Variants in PPTC7 observed in about 807,000 individuals in gnomAD.
The protein encoded by PPTC7 is protein phosphatase PTC7 homolog.
A neutral mutation model predicts 30.8 loss-of-function variants in PPTC7; 6 were observed. The ratio of observed to expected loss-of-function variants is 0.19; its 90% CI spans 0.11 to 0.38. PPTC7 has a LOEUF of 0.38. Among genes scored for constraint, PPTC7 ranks in the 10% least tolerant of loss-of-function variants. The pLI is 1.00. For missense variants in PPTC7, 218 were observed against 404.8 expected (o/e 0.54, Z 3.96); for synonymous variants, 163 against 168.1 (o/e 0.97, Z 0.23).
rs138087075 is a variant in PPTC7 at position 110,547,267 on chromosome 12, G to A, written c.404-1189C>T. Among the ~76,000 whole-genome samples, 226 of 152,290 alleles carry A rather than the reference G, an allele frequency of 1.5e-3. 2 individuals carry two copies. Among genetic ancestry groups the A allele is most frequent in the African/African-American group, 4.8e-3 (201 of 41,562 alleles). ...CCATCACGTAATACTCAGGAGTACA[G>A]GCTCTGGAGTCAGCCTGCTTCCTGC... On this transcript the variant is annotated intron_variant, in intron 2 of 5. Coordinates refer to ENST00000354300, the MANE Select transcript of PPTC7 (RefSeq NM_139283.2).
intron 2 of PPTC7, among the ~76,000 whole-genome samples, chr12:110,550,387 C>T (rs2064341477): frequency 6.6e-6 from 1 of 152,012 alleles, no homozygotes. Context: ...CCCACCACCA[C>T]ACCCGGCTAA....
chr12:110,537,247 G>A, intron 5 of PPTC7, 152 bp from the exon 6 acceptor site: 9 of 473,794 alleles, frequency 1.9e-5, no homozygotes, highest in South Asian at 8.5e-5. Flanking sequence ...AAAAATATTT[G>A]ATTAAAAAAA....
chr12:110,541,854 T>C (rs745666377), intron 3 of PPTC7, among the ~76,000 whole-genome samples: 7 of 151,492 alleles, frequency 4.6e-5, no homozygotes, highest in Non-Finnish European at 8.8e-5. Context: ...AAGAAATATC[T>C]TGATATCTTG....
At chr12:110,578,347 A>G (rs771217343) in intron 1 of PPTC7, among the ~76,000 whole-genome samples, 1 of 152,182 alleles carries the variant, frequency 6.6e-6, no homozygotes, top group African/African-American at 2.4e-5. Flanking sequence ...AAGGAACAAG[A>G]AAAGTGTACA....
In PPTC7 at chr12:110,546,229, G is replaced by A. The variant is rs1246929303; in HGVS notation, c.404-151C>T. ...CTTAGTTATGCTCCACATCCTCTAC[G>A]AATATCAATAAAATCCTGATCAGGG... On this transcript the variant is annotated intron_variant, in intron 2 of 5. Transcript: ENST00000354300. The A allele has an allele frequency of 4.6e-5, 29 of 630,058 alleles. No homozygotes were observed. The East Asian group carries it at 6.3e-4, about 14-fold the overall frequency. 39.0% of individuals were successfully genotyped at this position (630,058 alleles called of 1,614,324 possible).
At chr12:110,546,300 T>C in intron 2 of PPTC7, 3 of 546,014 alleles carry the variant, frequency 5.5e-6, no homozygotes, top group East Asian at 3.1e-5. Context: ...TACATAGTAA[T>C]TGGGCCACAG....
rs961258136 is a variant in PPTC7, at chr12:110,536,630, G to A, written c.*407C>T. 1 of 165,196 alleles carries A rather than the reference G, an allele frequency of 6.1e-6. No individual in the cohort carries two copies. The highest frequency in any genetic ancestry group is 2.4e-5 in the African/African-American group (1 of 41,978). The allele number at this position is 165,196 out of a possible 1,614,324, so 10.2% of individuals were successfully genotyped here. Reference sequence around the variant, plus strand: ...TGAATAATGTATGTTTCTAGTAGATGTATCATTACGTACAATTTGTGTTAG... The same window carrying A: ...TGAATAATGTATGTTTCTAGTAGATATATCATTACGTACAATTTGTGTTAG... On this transcript the variant is annotated 3_prime_UTR_variant, in exon 6 of 6. Transcript: ENST00000354300.
At chr12:110,581,758 A>G (rs2135802008) in intron 1 of PPTC7, among the ~76,000 whole-genome samples, 1 of 152,362 alleles carries the variant, frequency 6.6e-6, no homozygotes, top group Non-Finnish European at 1.5e-5. Flanking sequence ...AAGTTACAGA[A>G]TCATTTGTTC....
chr12:110,578,483 G>A (rs567651091), intron 1 of PPTC7, among the ~76,000 whole-genome samples: 8 of 152,232 alleles, frequency 5.3e-5, no homozygotes, highest in South Asian at 2.1e-4. Context: ...CAGTTTTTCC[G>A]AAACGAAATA....
intron 1 of PPTC7, among the ~76,000 whole-genome samples, chr12:110,568,532 G>A (rs866038585): frequency 5.3e-5 from 8 of 152,268 alleles, no homozygotes; most frequent in African/African-American, 1.7e-4. Flanking sequence ...GATTACAGGC[G>A]TGAGCCACCA....
intron 2 of PPTC7, among the ~76,000 whole-genome samples, chr12:110,547,283 T>A (rs1250639726): frequency 6.6e-6 from 1 of 152,188 alleles, no homozygotes; most frequent in Non-Finnish European, 1.5e-5. Flanking sequence ...GGAGTCAGCC[T>A]GCTTCCTGCC....
chr12:110,547,339 C>A (rs2064315654), intron 2 of PPTC7, among the ~76,000 whole-genome samples: 1 of 152,188 alleles, frequency 6.6e-6, no homozygotes, highest in African/African-American at 2.4e-5. Context: ...TGTGATGGGG[C>A]AAACTACTTA....
At chr12:110,572,759 G>A (rs1424280764) in intron 1 of PPTC7, among the ~76,000 whole-genome samples, 1 of 152,160 alleles carries the variant, frequency 6.6e-6, no homozygotes, top group Non-Finnish European at 1.5e-5. Context: ...AAATTCTTAA[G>A]TGAGACAGAC....
At chr12:110,571,161 A>G (rs2135791187) in intron 1 of PPTC7, among the ~76,000 whole-genome samples, 2 of 152,268 alleles carry the variant, frequency 1.3e-5, no homozygotes, top group South Asian at 4.1e-4. Flanking sequence ...GGGCAAACTA[A>G]AAGTAAAATT....
intron 1 of PPTC7, among the ~76,000 whole-genome samples, chr12:110,572,541 G>C (rs954989806): frequency 6.6e-6 from 1 of 152,192 alleles, no homozygotes; most frequent in Admixed American, 6.5e-5. Context: ...ATGAATACGA[G>C]AACAGTGCAA....
chr12:110,577,353 A>G (rs963161961), intron 1 of PPTC7, among the ~76,000 whole-genome samples: 1 of 152,052 alleles, frequency 6.6e-6, no homozygotes, highest in East Asian at 1.9e-4. Context: ...GTGTCCTGAC[A>G]TGGCTTGAAA....
chr12:110,569,589 G>A (rs1363678614), intron 1 of PPTC7, among the ~76,000 whole-genome samples: 4 of 151,758 alleles, frequency 2.6e-5, no homozygotes, highest in African/African-American at 9.7e-5. Flanking sequence ...TCACACTGCA[G>A]GAAAAAAAGA....
At chr12:110,551,558 G>T (rs1184871454) in intron 2 of PPTC7, among the ~76,000 whole-genome samples, 1 of 152,116 alleles carries the variant, frequency 6.6e-6, no homozygotes, top group African/African-American at 2.4e-5. Context: ...TGTTGGTCAG[G>T]CTGGTCTCGA....
chr12:110,546,146 A>C (rs2064304248), intron 2 of PPTC7, 68 bp from the exon 3 acceptor site: 2 of 1,274,010 alleles, frequency 1.6e-6, no homozygotes, highest in Admixed American at 3.9e-5. Flanking sequence ...ATTTTAACAC[A>C]TGACCCCACA....
Sources: allele counts gnomAD v4.1 joint callset (sites outside exome capture counted in the v4.1 genomes callset), GRCh38; gene constraint gnomAD v4.1.1; transcripts MANE v1.5; gene names NCBI Gene and HGNC (gene_info 2026-07-23, HGNC 2026-07-21).